The following MACROD2 variants were observed in gnomAD, a reference collection of about 807,000 sequenced individuals.
The protein encoded by MACROD2 is ADP-ribose glycohydrolase MACROD2.
MACROD2 carries 36 observed loss-of-function variants against 70.4 expected under a neutral mutation model. That is an observed-to-expected ratio of 0.51 (90% CI 0.39 to 0.68). The LOEUF is 0.68. Ranked by LOEUF, MACROD2 falls within the 30% of genes least tolerant of loss-of-function variation. MACROD2 has a pLI of 0.00. For missense variants in MACROD2, 496 were observed against 538.4 expected (o/e 0.92, Z 0.78); for synonymous variants, 172 against 178.8 (o/e 0.96, Z 0.30).
chr20:15,456,951 T>G (rs545680495), intron 7 of MACROD2, among the ~76,000 whole-genome samples: 1 of 152,138 alleles, frequency 6.6e-6, no homozygotes. Flanking sequence ...TATGGGCAGT[T>G]GACCTCACCT....
At chr20:15,476,699 A>T (rs2047027107) in intron 7 of MACROD2, among the ~76,000 whole-genome samples, 1 of 152,160 alleles carries the variant, frequency 6.6e-6, no homozygotes, top group Non-Finnish European at 1.5e-5. Context: ...GCTGCATTCT[A>T]CTTCAGTAAC....
chr20:15,474,965 T>C (rs2047003512), intron 7 of MACROD2, among the ~76,000 whole-genome samples: 1 of 151,822 alleles, frequency 6.6e-6, no homozygotes. Context: ...TCTCTGTACC[T>C]GGGGGATCCG....
chr20:15,492,309 A>T (rs1470356196), intron 7 of MACROD2, among the ~76,000 whole-genome samples: 2 of 143,344 alleles, frequency 1.4e-5, no homozygotes, highest in Non-Finnish European at 3.0e-5. Context: ...TTTTGAGATT[A>T]AAAAAAAAAA....
At chr20:15,060,454 A>T (rs2075523347) in intron 5 of MACROD2, among the ~76,000 whole-genome samples, 1 of 152,134 alleles carries the variant, frequency 6.6e-6, no homozygotes, top group African/African-American at 2.4e-5. Flanking sequence ...CTGCAGACCC[A>T]CAGAGGCAAC....
chr20:14,630,341 T>C (rs1416540785), intron 4 of MACROD2, among the ~76,000 whole-genome samples: 4 of 152,234 alleles, frequency 2.6e-5, no homozygotes, highest in Non-Finnish European at 5.9e-5. Flanking sequence ...TAACTTAGGC[T>C]GTAAGAGAAG....
intron 6 of MACROD2, among the ~76,000 whole-genome samples, chr20:15,289,759 G>C (rs545730266): frequency 6.7e-4 from 102 of 152,332 alleles, no homozygotes; most frequent in African/African-American, 2.5e-3. Flanking sequence ...ATTTGAAAGA[G>C]TAACCTCCCC....
intron 3 of MACROD2, among the ~76,000 whole-genome samples, chr20:14,396,968 T>C: frequency 6.8e-6 from 1 of 147,568 alleles, no homozygotes; most frequent in South Asian, 2.1e-4. Flanking sequence ...TAATTTTTAA[T>C]TGGTATATTT....
intron 4 of MACROD2, among the ~76,000 whole-genome samples, chr20:14,528,911 A>G (rs749918774): frequency 6.6e-5 from 10 of 152,186 alleles, no homozygotes; most frequent in Non-Finnish European, 1.5e-4. Context: ...GCTGGGTCTT[A>G]TGTAATAATA....
chr20:15,638,109 G>T (rs368244966), intron 8 of MACROD2, among the ~76,000 whole-genome samples: 1 of 152,282 alleles, frequency 6.6e-6, no homozygotes, highest in South Asian at 2.1e-4. Context: ...GCCGTGCATT[G>T]TTCCATGCCA....
chr20:15,994,907 T>C (rs1237790213), intron 15 of MACROD2, among the ~76,000 whole-genome samples: 1 of 152,218 alleles, frequency 6.6e-6, no homozygotes, highest in Non-Finnish European at 1.5e-5. Flanking sequence ...AAAAATTTTG[T>C]AACAATTCAC....
At chr20:15,017,604 G>A (rs1260761459) in intron 5 of MACROD2, among the ~76,000 whole-genome samples, 1 of 152,202 alleles carries the variant, frequency 6.6e-6, no homozygotes, top group South Asian at 2.1e-4. Context: ...CTTCTGCACT[G>A]CCCTAGCAGA....
At chr20:15,080,288 C>T (rs1180903384) in intron 5 of MACROD2, among the ~76,000 whole-genome samples, 1 of 152,132 alleles carries the variant, frequency 6.6e-6, no homozygotes, top group African/African-American at 2.4e-5. Context: ...CACAAGTCTA[C>T]TGCAAAACAC....
At position 14,903,331 on chromosome 20, in the gene MACROD2, G is replaced by A. The variant is rs144384016; in HGVS notation, c.418+218372G>A. 6.9e-3 allele frequency among the ~76,000 whole-genome samples: 1,054 copies of A among 152,108 alleles called. 8 individuals carry two copies. The highest frequency in any genetic ancestry group is 0.024 in the African/African-American group (997 of 41,504). ...GCTGGGATTATAGGCGTGAGCCACT[G>A]CACCCGGCCCAGGTTTCTTACATGA... On this transcript the variant is annotated intron_variant, in intron 5 of 17. Transcript: ENST00000684519.
intron 9 of MACROD2, among the ~76,000 whole-genome samples, chr20:15,883,941 TAA>T (rs2064789977): frequency 3.9e-5 from 6 of 152,134 alleles, no homozygotes; most frequent in African/African-American, 7.2e-5. Flanking sequence ...GATTTTATTA[TAA>T]TAACAGCTAA....
intron 15 of MACROD2, among the ~76,000 whole-genome samples, chr20:16,023,494 A>AC (rs60954659): frequency 2.2e-4 from 33 of 149,054 alleles, no homozygotes; most frequent in South Asian, 6.4e-4. Context: ...AAAAAAAAAA[A>AC]GAGATGGTGC....
intron 7 of MACROD2, among the ~76,000 whole-genome samples, chr20:15,461,464 A>G (rs1317529576): frequency 6.6e-6 from 1 of 152,166 alleles, no homozygotes; most frequent in African/African-American, 2.4e-5. Flanking sequence ...GGAAGGCAAG[A>G]AACTGGTCTG....
At chr20:15,974,920 T>C (rs1037968536) in intron 13 of MACROD2, among the ~76,000 whole-genome samples, 2 of 151,892 alleles carry the variant, frequency 1.3e-5, no homozygotes, top group African/African-American at 4.8e-5. Context: ...AACAAAATTG[T>C]AATAGATAAA....
At chr20:15,543,128 C>T (rs2047980236) in intron 8 of MACROD2, among the ~76,000 whole-genome samples, 1 of 152,090 alleles carries the variant, frequency 6.6e-6, no homozygotes, top group Non-Finnish European at 1.5e-5. Context: ...TTATATAAAA[C>T]TTTTGCTACT....
intron 5 of MACROD2, among the ~76,000 whole-genome samples, chr20:15,111,179 T>TG (rs746946103): frequency 1.4e-4 from 11 of 78,780 alleles, no homozygotes; most frequent in Non-Finnish European, 3.3e-4. Context: ...TTTTGTTTGT[T>TG]TTTTTTTTTT....
Sources: gnomAD v4.1 joint callset for allele counts (sites outside exome capture counted in the v4.1 genomes callset) on GRCh38, gnomAD v4.1.1 for gene constraint, MANE v1.5 for transcripts, NCBI Gene and HGNC (gene_info 2026-07-23, HGNC 2026-07-21) for gene names.